Variants in RAP1A observed in about 807,000 individuals in gnomAD.
RAP1A encodes ras-related protein Rap-1A.
In RAP1A, 6 loss-of-function variants were observed where a neutral mutation model predicts 26.4. That is an observed-to-expected ratio of 0.23 (90% CI 0.12 to 0.45). RAP1A has a LOEUF of 0.45. Among genes scored for constraint, RAP1A ranks in the 20% least tolerant of loss-of-function variants. RAP1A has a pLI of 0.99. For missense variants in RAP1A, 121 were observed against 217.2 expected (o/e 0.56, Z 2.78); for synonymous variants, 73 against 79.4 (o/e 0.92, Z 0.43).
intron 1 of RAP1A, among the ~76,000 whole-genome samples, chr1:111,553,577 A>T (rs988076977): frequency 4.6e-5 from 7 of 152,152 alleles, no homozygotes; most frequent in African/African-American, 1.7e-4. Context: ...CTTAAACCTA[A>T]TTTCTACTGG....
At chr1:111,663,513 G>A (rs559304109) in intron 1 of RAP1A, among the ~76,000 whole-genome samples, 1 of 152,216 alleles carries the variant, frequency 6.6e-6, no homozygotes, top group East Asian at 1.9e-4. Context: ...TAATTGCCAG[G>A]CACTCTCCTA....
chr1:111,697,682 C>A (rs1434493785), intron 4 of RAP1A, among the ~76,000 whole-genome samples, 185 bp downstream of exon 4: 1 of 152,088 alleles, frequency 6.6e-6, no homozygotes, highest in East Asian at 1.9e-4. Context: ...TCACATATCA[C>A]AAAGTTCACC....
chr1:111,595,144 T>C (rs149487207), intron 1 of RAP1A, among the ~76,000 whole-genome samples: 1 of 152,358 alleles, frequency 6.6e-6, no homozygotes, highest in East Asian at 1.9e-4. Context: ...TTTTGGACAT[T>C]AAATTTGTAT....
chr1:111,698,360 C>T (rs1375080391), intron 4 of RAP1A, among the ~76,000 whole-genome samples: 1 of 152,148 alleles, frequency 6.6e-6, no homozygotes, highest in Non-Finnish European at 1.5e-5. Flanking sequence ...CCGCAGTCTC[C>T]TGGGCTCAAA....
chr1:111,572,806 G>A (rs964219556), intron 1 of RAP1A, among the ~76,000 whole-genome samples: 3 of 152,082 alleles, frequency 2.0e-5, no homozygotes, highest in Non-Finnish European at 2.9e-5. Flanking sequence ...AGGTAAACTC[G>A]TGTCACAGAG....
chr1:111,683,027 C>G lies in RAP1A; in HGVS notation c.-27-8307C>G, dbSNP rs188591217. ...GGATTAAGAAACTCACTCAAAACTG[C>G]ACAACTACATGGAAACTGAACAACC... On this transcript the variant is annotated intron_variant, in intron 1 of 7. Coordinates refer to ENST00000369709, the MANE Select transcript of RAP1A (RefSeq NM_002884.4). Among the ~76,000 whole-genome samples the G allele has an allele frequency of 1.3e-4, 20 of 152,294 alleles. No individual in the cohort carries two copies. The East Asian group carries it at 3.9e-3, about 29-fold the overall frequency.
intron 1 of RAP1A, among the ~76,000 whole-genome samples, chr1:111,607,373 T>C (rs1181478948): frequency 3.3e-5 from 5 of 152,126 alleles, no homozygotes; most frequent in African/African-American, 1.2e-4. Flanking sequence ...GAATTTTTCT[T>C]AGTACAGAAC....
rs546094550 is a variant in RAP1A at position 111,684,695 on chromosome 1, T to G, written c.-27-6639T>G. Among the ~76,000 whole-genome samples the G allele has an allele frequency of 1.5e-4, 23 of 151,640 alleles. No individual in the cohort carries two copies. The East Asian group carries it at 4.3e-3, about 28-fold the overall frequency. On this transcript the variant is annotated intron_variant, in intron 1 of 7. Coordinates refer to ENST00000369709, the MANE Select transcript of RAP1A (RefSeq NM_002884.4). ...ATAGGAAGAATCAATATCGTGAAAA[T>G]GGTCATACTGCCCAAGGTAATTTAT...
intron 1 of RAP1A, among the ~76,000 whole-genome samples, chr1:111,623,057 A>C (rs1659271529): frequency 6.6e-6 from 1 of 152,114 alleles, no homozygotes; most frequent in African/African-American, 2.4e-5. Flanking sequence ...TTGCTCTGTC[A>C]TCCAGCCTGG....
At chr1:111,625,898 T>C (rs932479283) in intron 1 of RAP1A, among the ~76,000 whole-genome samples, 1 of 152,184 alleles carries the variant, frequency 6.6e-6, no homozygotes, top group African/African-American at 2.4e-5. Context: ...CACTTCAGCC[T>C]CCTGAGTAGC....
intron 1 of RAP1A, among the ~76,000 whole-genome samples, chr1:111,555,084 G>A (rs2101040240): frequency 6.6e-6 from 1 of 152,208 alleles, no homozygotes; most frequent in Admixed American, 6.5e-5. Context: ...TGATCAGGCA[G>A]GCGGGGCACA....
chr1:111,584,425 C>T (rs915585072), intron 1 of RAP1A, among the ~76,000 whole-genome samples: 2 of 152,026 alleles, frequency 1.3e-5, no homozygotes, highest in African/African-American at 2.4e-5. Flanking sequence ...TAGTGAGAGC[C>T]GGTTCTTCAT....
chr1:111,565,861 A>G (rs1319092062), intron 1 of RAP1A, among the ~76,000 whole-genome samples: 1 of 152,128 alleles, frequency 6.6e-6, no homozygotes, highest in Non-Finnish European at 1.5e-5. Flanking sequence ...TGGACAGCAC[A>G]TTATATTTCT....
chr1:111,673,045 C>T lies in RAP1A; in HGVS notation c.-27-18289C>T, dbSNP rs537043299. 2.0e-5 allele frequency among the ~76,000 whole-genome samples: 3 copies of T among 152,248 alleles called. No individual in the cohort carries two copies. In the South Asian group the frequency reaches 6.2e-4, roughly 32 times the overall value. ...CCTTACCTCTGTCTTTCATACATTC[C>T]ATCTCTCTGCTCTTTTGTTCGGCAC... is the stretch of plus-strand genomic sequence containing the variant. On this transcript the variant is annotated intron_variant, in intron 1 of 7. Coordinates refer to ENST00000369709, the MANE Select transcript of RAP1A (RefSeq NM_002884.4).
chr1:111,707,477 C>A (rs1287645077), intron 6 of RAP1A, among the ~76,000 whole-genome samples: 1 of 151,984 alleles, frequency 6.6e-6, no homozygotes, highest in Non-Finnish European at 1.5e-5. Context: ...ACTTCTTTAC[C>A]CCTAAATATT....
intron 6 of RAP1A, among the ~76,000 whole-genome samples, chr1:111,706,149 AGCC>A (rs1662185247): frequency 6.6e-6 from 1 of 152,242 alleles, no homozygotes; most frequent in Non-Finnish European, 1.5e-5. Flanking sequence ...GAAATGCATT[AGCC>A]ATCTCAAGAA....
At chr1:111,692,726 G>A (rs1293157926) in intron 2 of RAP1A, among the ~76,000 whole-genome samples, 1 of 152,084 alleles carries the variant, frequency 6.6e-6, no homozygotes, top group Non-Finnish European at 1.5e-5. Context: ...TACATTATTA[G>A]AGAGAAAAAA....
chr1:111,639,690 A>T (rs1304282882), intron 1 of RAP1A, among the ~76,000 whole-genome samples: 1 of 152,076 alleles, frequency 6.6e-6, no homozygotes, highest in African/African-American at 2.4e-5. Flanking sequence ...CACCGCTAGG[A>T]TGAAAACTAA....
At chr1:111,633,807 T>G (rs1021025329) in intron 1 of RAP1A, among the ~76,000 whole-genome samples, 2 of 152,164 alleles carry the variant, frequency 1.3e-5, no homozygotes, top group Non-Finnish European at 2.9e-5. Flanking sequence ...GTAGAAACCA[T>G]GGGTTGGAGG....
Sources: gnomAD v4.1 joint callset for allele counts (sites outside exome capture counted in the v4.1 genomes callset) on GRCh38, gnomAD v4.1.1 for gene constraint, MANE v1.5 for transcripts, NCBI Gene and HGNC (gene_info 2026-07-23, HGNC 2026-07-21) for gene names.